ZNF396: variants seen among roughly 807,000 people sequenced by gnomAD.
ZNF396 encodes zinc finger and SCAN domain-containing protein 14.
A neutral mutation model predicts 20.5 loss-of-function variants in ZNF396; 14 were observed. The ratio of observed to expected loss-of-function variants is 0.68; its 90% CI spans 0.45 to 1.07. The LOEUF (loss-of-function observed/expected upper bound fraction) is 1.07. Ranked by LOEUF, ZNF396 falls within the 50% of genes least tolerant of loss-of-function variation. ZNF396 has a pLI of 0.00. For missense variants in ZNF396, 347 were observed against 390.1 expected (o/e 0.89, Z 0.93); for synonymous variants, 119 against 140.6 (o/e 0.85, Z 1.08).
chr18:35,374,370 A>T lies in ZNF396; in HGVS notation c.-72-6T>A. 7.3e-7 allele frequency: 1 copy of T among 1,367,840 alleles called. No homozygotes were observed. The highest frequency in any genetic ancestry group is 9.9e-7 in the Non-Finnish European group (1 of 1,006,746). The allele number at this position is 1,367,840 out of a possible 1,614,324, so 84.7% of individuals were successfully genotyped here. A position where few individuals can be genotyped will look rare whatever the true frequency, so the allele number is the denominator to read the frequency against. On this transcript the variant is annotated splice_region_variant and splice_polypyrimidine_tract_variant and intron_variant, in intron 1 of 3. Coordinates refer to ENST00000589332, the MANE Select transcript of ZNF396 (RefSeq NM_001322286.2). The surrounding 1 kb of genome is among the most constrained non-coding windows in gnomAD (Gnocchi z 4.3). ...AGCTGTCCTGATGGACACTCCTTAA[A>T]TATGATTAAAGAAACAAGTGGAAAG...
In ZNF396 at chr18:35,374,907, G is replaced by A. The variant is rs2045236457; in HGVS notation, c.-72-543C>T. 1 of 152,264 alleles carries A rather than the reference G, an allele frequency of 6.6e-6. No homozygotes were observed. Among genetic ancestry groups the A allele is most frequent in the Admixed American group, 6.6e-5 (1 of 15,260 alleles). 9.4% of individuals were successfully genotyped at this position (152,264 alleles called of 1,614,324 possible). A position where few individuals can be genotyped will look rare whatever the true frequency, so the allele number is the denominator to read the frequency against. On this transcript the variant is annotated intron_variant, in intron 1 of 3. Transcript: ENST00000589332. This position sits in a 1 kb window ranked among gnomAD's most constrained non-coding sequence, Gnocchi z 4.3. ...TCATTCTGAAAACCATGCCCACAAGGCTACTGAATATTACAATAAGAGATC... is the reference window on the plus strand; with the variant it reads ...TCATTCTGAAAACCATGCCCACAAGACTACTGAATATTACAATAAGAGATC...
chr18:35,375,337 C>G (rs1185189557), intron 1 of ZNF396, among the ~76,000 whole-genome samples: 1 of 151,214 alleles, frequency 6.6e-6, no homozygotes, highest in Non-Finnish European at 1.5e-5. Context: ...CACGTTCCTT[C>G]ATCTGAATGT....
chr18:35,372,499 T>C (rs1212437985), intron 3 of ZNF396: 2 of 152,182 alleles, frequency 1.3e-5, no homozygotes, highest in Non-Finnish European at 2.9e-5. Context: ...ACTCTAACCT[T>C]GCTTAGCTAT....
In ZNF396 at chr18:35,374,009, A is replaced by G; in HGVS notation, c.284T>C (p.Leu95Pro). The stretch of plus-strand genomic sequence containing the variant: ...GATGGCCAGGAACTGCTCCAGCACC[A>G]GCAGCTCCAGGATCTGCTCCTTGGT... ...VHTKEQILEL[L>P]VLEQFLAILP... The change falls in exon 2 of 4, where the codon CTG becomes CCG. Residue 95 changes from leucine (L) to proline (P), a missense_variant. Coordinates refer to ENST00000589332, the MANE Select transcript of ZNF396 (RefSeq NM_001322286.2). This position sits in a 1 kb window ranked among gnomAD's most constrained non-coding sequence, Gnocchi z 4.3. The G allele has an allele frequency of 6.2e-7, 1 of 1,614,242 alleles. No individual in the cohort carries two copies. The highest frequency in any genetic ancestry group is 1.7e-5 in the Admixed American group (1 of 60,036).
At chr18:35,369,798 A>AT in intron 3 of ZNF396, 138 bp from the exon 4 acceptor site, 1 of 904,612 alleles carries the variant, frequency 1.1e-6, no homozygotes, top group Non-Finnish European at 1.6e-6. Flanking sequence ...TGAGAAGTTT[A>AT]TATAAGACAT....
intron 3 of ZNF396, chr18:35,371,797 T>C (rs2045184271): frequency 6.6e-6 from 1 of 152,250 alleles, no homozygotes; most frequent in Non-Finnish European, 1.5e-5. Flanking sequence ...GAGACAAATA[T>C]TCAAACCATA....
Position 35,368,461 on chromosome 18 carries a change from A to C in ZNF396, c.*754T>G. On this transcript the variant is annotated 3_prime_UTR_variant, in exon 4 of 4. Coordinates refer to ENST00000589332, the MANE Select transcript of ZNF396 (RefSeq NM_001322286.2). ...TATTTTGAATCTAGTAACAGAAGAC[A>C]AAATAGGAATTTATTTTTATTTTTA... 9.6e-7 allele frequency: 1 copy of C among 1,046,674 alleles called. No homozygotes were observed. 64.8% of individuals were successfully genotyped at this position (1,046,674 alleles called of 1,614,324 possible).
Position 35,368,403 on chromosome 18 carries a change from A to G in ZNF396, c.*812T>C. ...GCACTTCAGCCTAGTCTTGAAGTAC[A>G]TATTCTTTTGGGCCTCTGCAATCGC... On this transcript the variant is annotated 3_prime_UTR_variant, in exon 4 of 4. Coordinates refer to ENST00000589332, the MANE Select transcript of ZNF396 (RefSeq NM_001322286.2). 3 of 1,457,214 alleles carry G rather than the reference A, an allele frequency of 2.1e-6. No homozygotes were observed. The highest frequency in any genetic ancestry group is 2.7e-6 in the Non-Finnish European group (3 of 1,097,408). The allele number at this position is 1,457,214 out of a possible 1,614,324, so 90.3% of individuals were successfully genotyped here.
chr18:35,373,727 C>T, intron 2 of ZNF396, 127 bp from the exon 3 acceptor site: 1 of 1,493,750 alleles, frequency 6.7e-7, no homozygotes, highest in Non-Finnish European at 9.0e-7. Context: ...GTAGAGCCAC[C>T]TTCTATTTGC....
In ZNF396 at chr18:35,368,657, G is replaced by T; in HGVS notation, c.*558C>A. 1 of 722,586 alleles carries T rather than the reference G, an allele frequency of 1.4e-6. No homozygotes were observed. Among genetic ancestry groups the T allele is most frequent in the Non-Finnish European group, 1.7e-6 (1 of 588,324 alleles). 44.8% of individuals were successfully genotyped at this position (722,586 alleles called of 1,614,324 possible). On this transcript the variant is annotated 3_prime_UTR_variant, in exon 4 of 4. Transcript: ENST00000589332. Reference sequence around the variant, plus strand: ...AGTAGAGACGGGGTTTCGCCGTGTTGTCCAGGCTGGTCTTGAACTCCTGAG... The same window carrying T: ...AGTAGAGACGGGGTTTCGCCGTGTTTTCCAGGCTGGTCTTGAACTCCTGAG...
At chr18:35,373,653 G>A (rs2045216211) in intron 2 of ZNF396, 53 bp from the exon 3 acceptor site, 1 of 1,591,440 alleles carries the variant, frequency 6.3e-7, no homozygotes, top group Middle Eastern at 1.7e-4. Context: ...GGGACTTGAG[G>A]ATAAAATAAC....
intron 1 of ZNF396, chr18:35,376,247 G>A (rs2045256011): frequency 6.6e-6 from 1 of 152,104 alleles, no homozygotes; most frequent in African/African-American, 2.4e-5. Flanking sequence ...CCAAATAAAT[G>A]ATACAACTTT....
At position 35,368,136 on chromosome 18, in the gene ZNF396, C is replaced by T. The variant is rs1271862033; in HGVS notation, c.*1079G>A. The T allele has an allele frequency of 3.5e-5, 10 of 287,446 alleles. No individual in the cohort carries two copies. Among genetic ancestry groups the T allele is most frequent in the Non-Finnish European group, 6.4e-5 (10 of 155,552 alleles). 17.8% of individuals were successfully genotyped at this position (287,446 alleles called of 1,614,324 possible). ...CCTTTTTTCTTTATATTAAGATGATCATCCATCTTACAGAAGCACCCATAG... is the reference window on the plus strand; with the variant it reads ...CCTTTTTTCTTTATATTAAGATGATTATCCATCTTACAGAAGCACCCATAG... On this transcript the variant is annotated 3_prime_UTR_variant, in exon 4 of 4. Coordinates refer to ENST00000589332, the MANE Select transcript of ZNF396 (RefSeq NM_001322286.2).
Position 35,375,312 on chromosome 18 carries a change from A to G in ZNF396, c.-72-948T>C, listed in dbSNP as rs1385630116. 8.6e-5 allele frequency among the ~76,000 whole-genome samples: 13 copies of G among 151,404 alleles called. No individual in the cohort carries two copies. In the East Asian group the frequency reaches 1.7e-3, roughly 20 times the overall value. On this transcript the variant is annotated intron_variant, in intron 1 of 3. Coordinates refer to ENST00000589332, the MANE Select transcript of ZNF396 (RefSeq NM_001322286.2). Reference sequence around the variant, plus strand: ...CAAAAAAAAAAAAAAAAGAAAAAACAACAAAAAAGGCAATCACGTTCCTTC... The same window carrying G: ...CAAAAAAAAAAAAAAAAGAAAAAACGACAAAAAAGGCAATCACGTTCCTTC...
Position 35,368,636 on chromosome 18 carries a change from G to A in ZNF396, c.*579C>T, listed in dbSNP as rs2045129019. The A allele has an allele frequency of 3.3e-6, 2 of 614,464 alleles. No homozygotes were observed. Among genetic ancestry groups the A allele is most frequent in the African/African-American group, 4.0e-5 (2 of 50,102 alleles). The allele number at this position is 614,464 out of a possible 1,614,324, so 38.1% of individuals were successfully genotyped here. ...CTGGCTAATTTTTTGAATTTTAGTA[G>A]AGACGGGGTTTCGCCGTGTTGTCCA... On this transcript the variant is annotated 3_prime_UTR_variant, in exon 4 of 4. Transcript: ENST00000589332.
chr18:35,373,314 T>G, intron 3 of ZNF396, 142 bp downstream of exon 3: 1 of 950,610 alleles, frequency 1.1e-6, no homozygotes. Context: ...CTTCATTTAG[T>G]AGGACAAATA....
At chr18:35,373,352 T>C (rs1316980737) in intron 3 of ZNF396, 104 bp downstream of exon 3, 3 of 1,369,284 alleles carry the variant, frequency 2.2e-6, no homozygotes, top group Non-Finnish European at 2.9e-6. Context: ...AAGGAGGAGA[T>C]GAGAGGGGGA....
intron 1 of ZNF396, among the ~76,000 whole-genome samples, chr18:35,375,516 T>G (rs545678171): frequency 6.6e-6 from 1 of 152,258 alleles, no homozygotes; most frequent in South Asian, 2.1e-4. Flanking sequence ...CTCTGCTTGT[T>G]GAGGATCAAA....
At chr18:35,377,196 C>T (rs139559905) in intron 1 of ZNF396, 82 bp downstream of exon 1, 1,987 of 149,002 alleles carry the variant, frequency 0.013, 22 homozygotes, top group South Asian at 0.066. Context: ...CCGCGGCCGC[C>T]TCTCCGCGTC....
Sources: gnomAD v4.1 joint callset for allele counts (sites outside exome capture counted in the v4.1 genomes callset) on GRCh38, gnomAD v4.1.1 for gene constraint, Gnocchi (gnomAD v3.1) non-coding constraint, MANE v1.5 for transcripts, NCBI Gene and HGNC (gene_info 2026-07-23, HGNC 2026-07-21) for gene names.